Variants in RBFOX1 observed in about 807,000 individuals in gnomAD.
RBFOX1 encodes RNA binding fox-1 homolog 1.
RBFOX1 carries 8 observed loss-of-function variants against 57.7 expected under a neutral mutation model. The ratio of observed to expected loss-of-function variants is 0.14; its 90% CI spans 0.08 to 0.25. RBFOX1 has a LOEUF of 0.25. Among genes scored for constraint, RBFOX1 ranks in the 10% least tolerant of loss-of-function variants. RBFOX1 has a pLI of 1.00. For missense variants in RBFOX1, 611 were observed against 548.5 expected, an observed-to-expected ratio of 1.11 and a Z score of -1.14; for synonymous variants, 326 against 222.4, an observed-to-expected ratio of 1.47 and a Z score of -4.15.
chr16:5,867,189 C>T (rs778734726), intron 3 of RBFOX1: 2 of 561,090 alleles, frequency 3.6e-6, no homozygotes, highest in Non-Finnish European at 5.3e-6. Context: ...GTGTTGCAAC[C>T]TTTGTCCCCT....
At chr16:6,665,439 C>T (rs951956210) in intron 3 of RBFOX1, among the ~76,000 whole-genome samples, 1 of 152,076 alleles carries the variant, frequency 6.6e-6, no homozygotes, top group African/African-American at 2.4e-5. Flanking sequence ...CATGGTGAAA[C>T]CCCATCGCTG....
intron 4 of RBFOX1, among the ~76,000 whole-genome samples, chr16:7,419,804 G>C (rs1225160855): frequency 6.6e-6 from 1 of 151,892 alleles, no homozygotes; most frequent in African/African-American, 2.4e-5. Context: ...TGAAGAAATA[G>C]TTCTGCTTTT....
At chr16:5,924,788 TG>T (rs1279225458) in intron 4 of RBFOX1, among the ~76,000 whole-genome samples, 2 of 152,252 alleles carry the variant, frequency 1.3e-5, no homozygotes, top group Non-Finnish European at 2.9e-5. Context: ...CATGATTTTT[TG>T]TTTCCATCTT....
At chr16:6,647,242 C>G (rs1387579921) in intron 2 of RBFOX1, among the ~76,000 whole-genome samples, 1 of 152,004 alleles carries the variant, frequency 6.6e-6, no homozygotes, top group South Asian at 2.1e-4. Flanking sequence ...CTAATTCTTT[C>G]TTTATTTTAT....
chr16:7,224,117 T>C (rs943330355), intron 4 of RBFOX1, among the ~76,000 whole-genome samples: 25 of 134,794 alleles, frequency 1.9e-4, no homozygotes, highest in Admixed American at 1.7e-3. Context: ...ATCCTGATTC[T>C]TCCTTTTTCT....
At chr16:6,728,341 C>G (rs1170774968) in intron 3 of RBFOX1, among the ~76,000 whole-genome samples, 1 of 146,618 alleles carries the variant, frequency 6.8e-6, no homozygotes, top group Non-Finnish European at 1.5e-5. Flanking sequence ...GCAAATTTCT[C>G]TCCTGTATAA....
At chr16:7,146,086 T>A (rs188329869) in intron 4 of RBFOX1, among the ~76,000 whole-genome samples, 1 of 152,306 alleles carries the variant, frequency 6.6e-6, no homozygotes, top group East Asian at 1.9e-4. Flanking sequence ...GGGGCAAGAA[T>A]GAATTTTAAA....
chr16:5,825,815 A>AATAATATTCCTTAATATGAATAAGGC (rs2056021918), intron 3 of RBFOX1, among the ~76,000 whole-genome samples: 1 of 146,056 alleles, frequency 6.8e-6, no homozygotes, highest in African/African-American at 2.5e-5. Flanking sequence ...ATGAATAAGG[A>AATAATATTCCTTAATATGAATAAGGC]ATAATATTCC....
chr16:6,065,189 G>A (rs963009638), intron 1 of RBFOX1, among the ~76,000 whole-genome samples: 13 of 140,778 alleles, frequency 9.2e-5, no homozygotes, highest in African/African-American at 1.3e-4. Flanking sequence ...CACCATCACC[G>A]GCTAATTTTT....
intron 3 of RBFOX1, among the ~76,000 whole-genome samples, chr16:6,949,961 T>G (rs1037877311): frequency 2.6e-5 from 4 of 151,882 alleles, no homozygotes; most frequent in South Asian, 2.1e-4. Flanking sequence ...TGTTGTTGTT[T>G]TTTGGTACAG....
At chr16:7,209,159 AT>A (rs2090607853) in intron 4 of RBFOX1, among the ~76,000 whole-genome samples, 1 of 143,646 alleles carries the variant, frequency 7.0e-6, no homozygotes, top group African/African-American at 2.7e-5. Context: ...AATAATAATA[AT>A]AATAATAATA....
In RBFOX1 at chr16:5,767,186, T is replaced by C. The variant is rs142042403; in HGVS notation, c.319-100117T>C. Among the ~76,000 whole-genome samples the C allele has an allele frequency of 8.5e-3, 1,294 of 152,310 alleles. 12 individuals are homozygous for C. The highest frequency in any genetic ancestry group is 0.029 in the African/African-American group (1,196 of 41,566). ...AGGTTAAGGGTGAGGGATAGCTTGGTAGAAATACCACAGAAGTAATAAAGA... is the reference window on the plus strand; with the variant it reads ...AGGTTAAGGGTGAGGGATAGCTTGGCAGAAATACCACAGAAGTAATAAAGA... On this transcript the variant is annotated intron_variant, in intron 3 of 19. Transcript: ENST00000641259.
chr16:7,379,645 C>T (rs1186274848), intron 4 of RBFOX1, among the ~76,000 whole-genome samples: 1 of 152,152 alleles, frequency 6.6e-6, no homozygotes, highest in African/African-American at 2.4e-5. Context: ...GGCTACATCT[C>T]AGGAGGGTTT....
At chr16:7,163,188 G>T (rs985896962) in intron 4 of RBFOX1, among the ~76,000 whole-genome samples, 8 of 152,042 alleles carry the variant, frequency 5.3e-5, no homozygotes, top group African/African-American at 1.4e-4. Flanking sequence ...GATTTGAAAA[G>T]GTTTTGACTT....
chr16:6,672,939 T>G (rs1370468107), intron 3 of RBFOX1, among the ~76,000 whole-genome samples: 1 of 152,042 alleles, frequency 6.6e-6, no homozygotes, highest in Non-Finnish European at 1.5e-5. Flanking sequence ...GCGTGTGGGA[T>G]GTTGATCAAC....
intron 1 of RBFOX1, among the ~76,000 whole-genome samples, chr16:6,196,005 G>T (rs1432844763): frequency 6.6e-6 from 1 of 152,158 alleles, no homozygotes; most frequent in Admixed American, 6.5e-5. Context: ...TAAAGACTAG[G>T]AGTACTTGTA....
chr16:5,714,014 C>T (rs2051592883), intron 3 of RBFOX1, among the ~76,000 whole-genome samples: 1 of 152,144 alleles, frequency 6.6e-6, no homozygotes, highest in Non-Finnish European at 1.5e-5. Flanking sequence ...GGCTTGTTAC[C>T]TAATTAGGAG....
chr16:6,728,752 T>C (rs189314920), intron 3 of RBFOX1, among the ~76,000 whole-genome samples: 11 of 152,340 alleles, frequency 7.2e-5, no homozygotes, highest in African/African-American at 2.4e-4. Flanking sequence ...GGTGTCTCCT[T>C]ACCTTCTGAA....
intron 14 of RBFOX1, chr16:7,693,195 C>G: frequency 1.3e-6 from 1 of 760,642 alleles, no homozygotes; most frequent in Non-Finnish European, 2.3e-6. Flanking sequence ...CACATTTCCT[C>G]GCAACATCCA....
Sources: allele counts gnomAD v4.1 joint callset (sites outside exome capture counted in the v4.1 genomes callset), GRCh38; gene constraint gnomAD v4.1.1; transcripts MANE v1.5; gene names NCBI Gene and HGNC (gene_info 2026-07-23, HGNC 2026-07-21).